EPHA7: variants seen among roughly 807,000 people sequenced by gnomAD.
The protein encoded by EPHA7 is EPH receptor A7.
A neutral mutation model predicts 112.6 loss-of-function variants in EPHA7; 25 were observed. That is an observed-to-expected ratio of 0.22 (90% confidence interval 0.16 to 0.31). The LOEUF is 0.31. EPHA7 is among the 10% of genes least tolerant of loss of function. The pLI is 1.00. For synonymous variants in EPHA7, 437 were observed against 406.5 expected, an observed-to-expected ratio of 1.07 and a Z score of -0.90; for missense variants, 962 against 1,212.6, an observed-to-expected ratio of 0.79 and a Z score of 3.07.
chr6:93,386,251 G>A (rs1482499680), intron 3 of EPHA7, among the ~76,000 whole-genome samples: 5 of 152,148 alleles, frequency 3.3e-5, no homozygotes, highest in African/African-American at 9.7e-5. Context: ...CTATGAGCCT[G>A]TAAAATCAAA....
At chr6:93,266,295 C>A (rs2127871875) in intron 7 of EPHA7, among the ~76,000 whole-genome samples, 1 of 151,672 alleles carries the variant, frequency 6.6e-6, no homozygotes, top group Non-Finnish European at 1.5e-5. Context: ...TTATGAAATT[C>A]TTTCCATTCA....
intron 16 of EPHA7, among the ~76,000 whole-genome samples, chr6:93,244,266 G>C (rs921075813): frequency 1.1e-4 from 17 of 152,076 alleles, no homozygotes; most frequent in Admixed American, 1.0e-3. Flanking sequence ...TGGGTTTTCA[G>C]GGGTACAGAT....
chr6:93,348,532 T>C (rs1274953262), intron 5 of EPHA7, among the ~76,000 whole-genome samples: 1 of 151,882 alleles, frequency 6.6e-6, no homozygotes, highest in African/African-American at 2.4e-5. Context: ...GGTTTATTTG[T>C]ACCTTTAATA....
chr6:93,298,672 G>T (rs997346257), intron 5 of EPHA7, among the ~76,000 whole-genome samples: 1 of 152,068 alleles, frequency 6.6e-6, no homozygotes, highest in Non-Finnish European at 1.5e-5. Flanking sequence ...TTTTAAATGA[G>T]AAATTATTTT....
At chr6:93,338,949 TAATC>T (rs974755464) in intron 5 of EPHA7, among the ~76,000 whole-genome samples, 67 of 149,636 alleles carry the variant, frequency 4.5e-4, no homozygotes, top group African/African-American at 1.6e-3. Context: ...TACAGAGAGA[TAATC>T]AAATTTTATG....
Position 93,272,304 on chromosome 6 carries a change from G to A in EPHA7, c.1443C>T (p.Tyr481=), listed in dbSNP as rs769720060. 8 of 1,611,496 alleles carry A rather than the reference G, an allele frequency of 5.0e-6. No individual in the cohort carries two copies. Among genetic ancestry groups the A allele is most frequent in the Admixed American group, 1.7e-5 (1 of 59,886 alleles). ...GVITEYEIKY[Y]EKDQRERTYS... is the part of the protein sequence containing the mutation. ...AGTTGCTCTTAGCACTTACTTTCTC[G>A]TAATACTTGATTTCATATTCTGTGA... Residue 481 remains tyrosine (Y), a synonymous_variant, in exon 6 of 17, where the codon TAC becomes TAT. Coordinates refer to ENST00000369303, the MANE Select transcript of EPHA7 (RefSeq NM_004440.4).
chr6:93,240,188 G>T lies in EPHA7; in HGVS notation c.*3238C>A. Reference sequence around the variant, plus strand: ...CCCTGTAGTATTTCTTAGGCAAGGAGGGACAAATTCAACCAACGAAAAGCA... The same window carrying T: ...CCCTGTAGTATTTCTTAGGCAAGGATGGACAAATTCAACCAACGAAAAGCA... On this transcript the variant is annotated 3_prime_UTR_variant, in exon 17 of 17. Transcript: ENST00000369303. The T allele has an allele frequency of 4.5e-6, 1 of 223,582 alleles. No homozygotes were observed. The highest frequency in any genetic ancestry group is 5.7e-5 in the Admixed American group (1 of 17,428). The allele number at this position is 223,582 out of a possible 1,614,324, so 13.8% of individuals were successfully genotyped here.
intron 5 of EPHA7, among the ~76,000 whole-genome samples, chr6:93,322,958 T>G (rs1205701958): frequency 6.6e-6 from 1 of 151,554 alleles, no homozygotes; most frequent in South Asian, 2.1e-4. Flanking sequence ...GTTAATCAAG[T>G]TGGGCATTTT....
chr6:93,411,126 T>G lies in EPHA7; in HGVS notation c.207A>C (p.Arg69=), dbSNP rs1050365120. ...SGLDENYTPI[R]TYQVCQVMEP... ...CCATGACTTGGCACACCTGGTATGT[T>G]CGTATCGGGGTATAGTTCTCATCCA... Residue 69 remains arginine, a synonymous_variant, in exon 3 of 17, where the codon CGA becomes CGC. Coordinates refer to ENST00000369303, the MANE Select transcript of EPHA7 (RefSeq NM_004440.4). 5.6e-6 allele frequency: 9 copies of G among 1,613,720 alleles called. No homozygotes were observed. Among genetic ancestry groups the G allele is most frequent in the Non-Finnish European group, 6.8e-6 (8 of 1,179,950 alleles).
At chr6:93,335,259 A>G (rs904019484) in intron 5 of EPHA7, among the ~76,000 whole-genome samples, 1 of 152,098 alleles carries the variant, frequency 6.6e-6, no homozygotes, top group Non-Finnish European at 1.5e-5. Flanking sequence ...AAATATTATA[A>G]AAATTATTCT....
Position 93,254,704 on chromosome 6 carries a change from G to A in EPHA7, c.2475C>T (p.Val825=), listed in dbSNP as rs751625027. 3.7e-6 allele frequency: 6 copies of A among 1,613,392 alleles called. No homozygotes were observed. In the South Asian group the frequency reaches 6.6e-5, roughly 18 times the overall value. ...CTCCATAAGACATAACTTCCCACAT[G>A]ACTATTCCATAGCTCCATACATCAC... The part of the protein sequence containing the change: ...SASDVWSYGI[V]MWEVMSYGER... The change falls in exon 14 of 17, where the codon GTC becomes GTT. Residue 825 remains valine (V), a synonymous_variant. Transcript: ENST00000369303.
intron 5 of EPHA7, among the ~76,000 whole-genome samples, chr6:93,289,972 A>G (rs1275230500): frequency 6.6e-6 from 1 of 152,136 alleles, no homozygotes; most frequent in Non-Finnish European, 1.5e-5. Context: ...TTAAAGAACA[A>G]TTTTTGTCTA....
At chr6:93,392,925 G>T (rs1053054263) in intron 3 of EPHA7, among the ~76,000 whole-genome samples, 1 of 151,468 alleles carries the variant, frequency 6.6e-6, no homozygotes, top group African/African-American at 2.4e-5. Context: ...AATAGAAACA[G>T]AAATTCTTTA....
Position 93,242,982 on chromosome 6 carries a change from C to T in EPHA7, c.*444G>A, listed in dbSNP as rs1769750113. 1 of 219,404 alleles carries T rather than the reference C, an allele frequency of 4.6e-6. No homozygotes were observed. 13.6% of individuals were successfully genotyped at this position (219,404 alleles called of 1,614,324 possible). A position where few individuals can be genotyped will look rare whatever the true frequency, so the allele number is the denominator to read the frequency against. On this transcript the variant is annotated 3_prime_UTR_variant, in exon 17 of 17. Transcript: ENST00000369303. ...TATAAACAGCTTTCTAAAACAAAGT[C>T]CTTATGAAGAATAAACACAAATGAT...
chr6:93,342,339 C>T (rs974527633), intron 5 of EPHA7, among the ~76,000 whole-genome samples: 2 of 151,686 alleles, frequency 1.3e-5, no homozygotes, highest in Non-Finnish European at 2.9e-5. Flanking sequence ...GAAATAGAAG[C>T]CAATAGAAAA....
chr6:93,303,610 A>C (rs563843785), intron 5 of EPHA7, among the ~76,000 whole-genome samples: 2 of 152,272 alleles, frequency 1.3e-5, no homozygotes, highest in East Asian at 3.9e-4. Context: ...CATGGAAATA[A>C]ATTAAGACAA....
At chr6:93,313,065 TA>T (rs542504702) in intron 5 of EPHA7, among the ~76,000 whole-genome samples, 153 of 151,538 alleles carry the variant, frequency 1.0e-3, no homozygotes, top group South Asian at 3.5e-3. Flanking sequence ...ATAATAATAA[TA>T]AAAAAAATGA....
intron 3 of EPHA7, among the ~76,000 whole-genome samples, chr6:93,362,827 T>C (rs970924688): frequency 2.6e-5 from 4 of 152,164 alleles, no homozygotes; most frequent in Admixed American, 1.3e-4. Context: ...CAGATACCCA[T>C]ACTTGGTCCA....
At chr6:93,267,242 T>G (rs990367394) in intron 7 of EPHA7, among the ~76,000 whole-genome samples, 1 of 151,784 alleles carries the variant, frequency 6.6e-6, no homozygotes, top group African/African-American at 2.4e-5. Flanking sequence ...TGAGAAAGGC[T>G]GTGTTTAATA....
Sources: gnomAD v4.1 joint callset for allele counts (sites outside exome capture counted in the v4.1 genomes callset) on GRCh38, gnomAD v4.1.1 for gene constraint, MANE v1.5 for transcripts, NCBI Gene and HGNC (gene_info 2026-07-23, HGNC 2026-07-21) for gene names.